The following FAR2 variants were observed in gnomAD, a reference collection of about 807,000 sequenced individuals.
The protein encoded by FAR2 is fatty acyl-CoA reductase 2.
In FAR2, 19 loss-of-function variants were observed where a neutral mutation model predicts 56.0. The observed-to-expected ratio is 0.34, with a 90% CI of 0.24 to 0.50. FAR2 has a LOEUF of 0.50. Ranked by LOEUF, FAR2 falls within the 20% of genes least tolerant of loss-of-function variation. The probability of loss-of-function intolerance (pLI) is 0.98; values close to 1 mark genes in which losing one functional copy is unlikely to be tolerated. For synonymous variants in FAR2, 219 were observed against 218.8 expected, an observed-to-expected ratio of 1.00 and a Z score of -0.01; for missense variants, 508 against 642.2, an observed-to-expected ratio of 0.79 and a Z score of 2.26.
intron 2 of FAR2, among the ~76,000 whole-genome samples, chr12:29,275,814 C>T (rs543112418): frequency 3.9e-5 from 6 of 152,128 alleles, no homozygotes; most frequent in Non-Finnish European, 5.9e-5. Flanking sequence ...TTTTATAACA[C>T]GGCAACATTG....
chr12:29,333,420 A>G, intron 11 of FAR2: 1 of 512,650 alleles, frequency 2.0e-6, no homozygotes. Flanking sequence ...GAGGTATAAG[A>G]GAAATTAGGG....
chr12:29,270,306 T>C, intron 1 of FAR2, 106 bp from the exon 2 acceptor site: 1 of 802,208 alleles, frequency 1.2e-6, no homozygotes, highest in Non-Finnish European at 1.9e-6. Context: ...TCTGACCTAT[T>C]TTTTTCTGCA....
At chr12:29,314,417 T>C (rs1244498426) in intron 8 of FAR2, among the ~76,000 whole-genome samples, 1 of 141,836 alleles carries the variant, frequency 7.1e-6, no homozygotes, top group Non-Finnish European at 1.5e-5. Context: ...AGTCACTCAG[T>C]TTCTCCCTGT....
intron 1 of FAR2, among the ~76,000 whole-genome samples, chr12:29,168,514 A>T (rs1949852907): frequency 6.6e-6 from 1 of 152,226 alleles, no homozygotes; most frequent in African/African-American, 2.4e-5. Context: ...ATAATTTAGT[A>T]TTCATCTTGT....
chr12:29,264,455 C>T (rs1265526786), intron 1 of FAR2, among the ~76,000 whole-genome samples: 1 of 151,840 alleles, frequency 6.6e-6, no homozygotes, highest in Non-Finnish European at 1.5e-5. Context: ...CAACATAGTA[C>T]TGAAAGTCCT....
chr12:29,315,234 T>C (rs540340756), intron 8 of FAR2, among the ~76,000 whole-genome samples: 1 of 152,222 alleles, frequency 6.6e-6, no homozygotes, highest in South Asian at 2.1e-4. Flanking sequence ...GTGGAGGAGA[T>C]ATTCCAAGTT....
chr12:29,310,942 A>G, intron 6 of FAR2, 86 bp from the exon 7 acceptor site: 1 of 956,514 alleles, frequency 1.0e-6, no homozygotes. Flanking sequence ...TTATTGCACT[A>G]GTATAACCAG....
intron 1 of FAR2, among the ~76,000 whole-genome samples, chr12:29,180,737 CTAT>C (rs1949983936): frequency 2.0e-5 from 3 of 151,190 alleles, no homozygotes; most frequent in African/African-American, 7.3e-5. Context: ...ATCTATCTAT[CTAT>C]CTATCTATCT....
At chr12:29,269,595 T>C (rs1005003019) in intron 1 of FAR2, among the ~76,000 whole-genome samples, 3 of 152,216 alleles carry the variant, frequency 2.0e-5, no homozygotes, top group Non-Finnish European at 4.4e-5. Context: ...TAAGTGTCCA[T>C]GAAATCTTTA....
chr12:29,247,422 G>A, intron 1 of FAR2, among the ~76,000 whole-genome samples: 1 of 152,064 alleles, frequency 6.6e-6, no homozygotes, highest in South Asian at 2.1e-4. Flanking sequence ...ATCATCTTTT[G>A]GTTGCAAACA....
chr12:29,210,436 G>A (rs1947531436), intron 1 of FAR2, among the ~76,000 whole-genome samples: 1 of 152,140 alleles, frequency 6.6e-6, no homozygotes, highest in Non-Finnish European at 1.5e-5. Context: ...AGAGGTGCAT[G>A]TCGTCAGGAA....
chr12:29,177,265 G>T (rs1390762495), intron 1 of FAR2, among the ~76,000 whole-genome samples: 2 of 152,198 alleles, frequency 1.3e-5, no homozygotes, highest in Non-Finnish European at 2.9e-5. Context: ...TATTCCAGCT[G>T]CAATGGATCC....
At chr12:29,258,864 T>C (rs189355991) in intron 1 of FAR2, among the ~76,000 whole-genome samples, 7 of 152,342 alleles carry the variant, frequency 4.6e-5, no homozygotes, top group Admixed American at 4.6e-4. Flanking sequence ...GATGCATTTA[T>C]AGCACAGACA....
intron 1 of FAR2, among the ~76,000 whole-genome samples, chr12:29,179,991 G>C (rs575277830): frequency 1.3e-5 from 2 of 152,158 alleles, no homozygotes; most frequent in Non-Finnish European, 2.9e-5. Context: ...ACAGACTTGG[G>C]TGTTTATCTC....
intron 1 of FAR2, among the ~76,000 whole-genome samples, chr12:29,150,297 T>C (rs576668537): frequency 2.0e-5 from 3 of 152,340 alleles, no homozygotes; most frequent in South Asian, 4.1e-4. Context: ...GGTTGAGTTA[T>C]GTGGTGTGAG....
At chr12:29,183,510 G>A in intron 1 of FAR2, among the ~76,000 whole-genome samples, 1 of 152,160 alleles carries the variant, frequency 6.6e-6, no homozygotes, top group East Asian at 1.9e-4. Flanking sequence ...CTATATGAAT[G>A]AAGTCTGAAT....
chr12:29,306,810 C>T (rs902408271), intron 4 of FAR2, among the ~76,000 whole-genome samples: 2 of 152,096 alleles, frequency 1.3e-5, no homozygotes, highest in Non-Finnish European at 2.9e-5. Flanking sequence ...TAGGAGTAGT[C>T]AATAATCGTG....
At chr12:29,253,923 A>G (rs777520815) in intron 1 of FAR2, among the ~76,000 whole-genome samples, 7 of 152,218 alleles carry the variant, frequency 4.6e-5, no homozygotes, top group Admixed American at 1.3e-4. Flanking sequence ...GATTTAGGTT[A>G]TATTCTTTTC....
At chr12:29,327,132 A>T (rs1023871347) in intron 10 of FAR2, among the ~76,000 whole-genome samples, 1 of 152,238 alleles carries the variant, frequency 6.6e-6, no homozygotes, top group Non-Finnish European at 1.5e-5. Context: ...GAGCCAAATC[A>T]TGAGTAAACA....
Sources: allele counts gnomAD v4.1 joint callset (sites outside exome capture counted in the v4.1 genomes callset), GRCh38; gene constraint gnomAD v4.1.1; transcripts MANE v1.5; gene names NCBI Gene and HGNC (gene_info 2026-07-23, HGNC 2026-07-21).